ABCA1: variants seen among roughly 807,000 people sequenced by gnomAD.
ABCA1 encodes the protein phospholipid-transporting ATPase ABCA1.
Under a neutral mutation model 262.5 loss-of-function variants are expected in ABCA1, and 133 were observed. The ratio of observed to expected loss-of-function variants is 0.51; its 90% CI spans 0.44 to 0.59. The LOEUF is 0.59. ABCA1 is among the 20% of genes least tolerant of loss of function. ABCA1 has a pLI of 0.00. For synonymous variants in ABCA1, 1,022 were observed against 1,043.5 expected, an observed-to-expected ratio of 0.98 and a Z score of 0.40; for missense variants, 2,452 against 2,777.5, an observed-to-expected ratio of 0.88 and a Z score of 2.63.
chr9:104,903,704 G>C lies in ABCA1; in HGVS notation c.-25C>G, dbSNP rs774301766. ...TGTTCCCTCAGCCAGCACCCCCAGCGTGTGGCTCGGGAGCCCTGGAAGGCA... is the reference window on the plus strand; with the variant it reads ...TGTTCCCTCAGCCAGCACCCCCAGCCTGTGGCTCGGGAGCCCTGGAAGGCA... On this transcript the variant is annotated 5_prime_UTR_variant, in exon 2 of 50. Coordinates refer to ENST00000374736, the MANE Select transcript of ABCA1 (RefSeq NM_005502.4). 1.3e-6 allele frequency: 2 copies of C among 1,565,642 alleles called. No homozygotes were observed. Among genetic ancestry groups the C allele is most frequent in the East Asian group, 2.4e-5 (1 of 42,488 alleles).
rs74473105 is a variant in ABCA1, at chr9:104,840,876, C to G, written c.814-357G>C. Among the ~76,000 whole-genome samples the G allele has an allele frequency of 2.9e-3, 449 of 152,268 alleles. 2 individuals carry two copies. Among genetic ancestry groups the G allele is most frequent in the African/African-American group, 0.01 (416 of 41,554 alleles). ...GAAGCACAGCCTGGAGTTAGTGAAG[C>G]CCCTGGGGCTGGGCTTCGTTTCACC... On this transcript the variant is annotated intron_variant, in intron 8 of 49. Transcript: ENST00000374736.
chr9:104,889,950 A>G (rs1243643424), intron 2 of ABCA1, among the ~76,000 whole-genome samples: 1 of 152,222 alleles, frequency 6.6e-6, no homozygotes, highest in Non-Finnish European at 1.5e-5. Flanking sequence ...AGCATGATAC[A>G]CTGGTTAAAA....
intron 1 of ABCA1, among the ~76,000 whole-genome samples, chr9:104,908,234 T>C (rs757175206): frequency 3.3e-5 from 5 of 152,242 alleles, no homozygotes; most frequent in Non-Finnish European, 7.3e-5. Context: ...AGTTTGACAG[T>C]TTCTGCTAAG....
At chr9:104,834,404 G>C (rs1426155965) in intron 11 of ABCA1, among the ~76,000 whole-genome samples, 1 of 149,632 alleles carries the variant, frequency 6.7e-6, no homozygotes, top group African/African-American at 2.4e-5. Flanking sequence ...AGGAAGGTAT[G>C]TATGTATTTT....
At chr9:104,861,841 TCA>T (rs1836422962) in intron 5 of ABCA1, 41 bp from the exon 6 acceptor site, 5 of 1,237,824 alleles carry the variant, frequency 4.0e-6, no homozygotes, top group Non-Finnish European at 5.5e-6. Context: ...AGTAAGTAAC[TCA>T]AAAAAAAAAA....
chr9:104,883,504 G>A (rs1158427501), intron 4 of ABCA1, among the ~76,000 whole-genome samples: 2 of 152,132 alleles, frequency 1.3e-5, no homozygotes, highest in African/African-American at 2.4e-5. Context: ...GCCTGGGCCT[G>A]GGATACTCTT....
intron 1 of ABCA1, among the ~76,000 whole-genome samples, chr9:104,912,091 T>C (rs1173266414): frequency 6.6e-6 from 1 of 152,216 alleles, no homozygotes; most frequent in Non-Finnish European, 1.5e-5. Flanking sequence ...CACATCCAAT[T>C]TCCTAGACAA....
At chr9:104,825,277 T>G (rs1832720989) in intron 17 of ABCA1, among the ~76,000 whole-genome samples, 1 of 152,240 alleles carries the variant, frequency 6.6e-6, no homozygotes, top group Admixed American at 6.5e-5. Flanking sequence ...TCGCCTGGGC[T>G]TATTGACCCA....
At position 104,901,899 on chromosome 9, in the gene ABCA1, C is replaced by T. The variant is rs899261476; in HGVS notation, c.66+1715G>A. Among the ~76,000 whole-genome samples the T allele has an allele frequency of 4.6e-5, 7 of 152,118 alleles. No individual in the cohort carries two copies. In the South Asian group the frequency reaches 6.2e-4, roughly 14 times the overall value. ...AAAGGAATAAATCTAGTTAATAATGCCTAATCAGTTAGTGCCTCACACATG... is the reference window on the plus strand; with the variant it reads ...AAAGGAATAAATCTAGTTAATAATGTCTAATCAGTTAGTGCCTCACACATG... On this transcript the variant is annotated intron_variant, in intron 2 of 49. Transcript: ENST00000374736.
chr9:104,856,088 T>C (rs1400845239), intron 7 of ABCA1: 13 of 1,587,918 alleles, frequency 8.2e-6, no homozygotes, highest in South Asian at 1.1e-5. Context: ...GTCACATCCA[T>C]CTACCATCAC....
chr9:104,880,541 CAAAT>C (rs924120304), intron 5 of ABCA1, among the ~76,000 whole-genome samples: 4 of 149,942 alleles, frequency 2.7e-5, no homozygotes, highest in Admixed American at 2.0e-4. Context: ...TAAATTTAAA[CAAAT>C]AAAATAAGTA....
rs374101360 is a variant in ABCA1 at position 104,816,121 on chromosome 9, G to A, written c.3738+22C>T. The A allele has an allele frequency of 4.2e-5, 67 of 1,613,472 alleles. 2 individuals are homozygous for A. The highest frequency in any genetic ancestry group is 3.8e-4 in the South Asian group (35 of 91,020). On this transcript the variant is annotated intron_variant, in intron 25 of 49. Coordinates refer to ENST00000374736, the MANE Select transcript of ABCA1 (RefSeq NM_005502.4). ...GACATTTGGCCTTGCTATATATTCC[G>A]ACAGTCAGCCACTTAACTTACTTCT...
intron 11 of ABCA1, among the ~76,000 whole-genome samples, chr9:104,836,142 G>T (rs1231013645): frequency 1.3e-5 from 2 of 152,136 alleles, no homozygotes; most frequent in Admixed American, 1.3e-4. Flanking sequence ...TGTTTTTAAA[G>T]GGACTTCCTC....
At position 104,794,433 on chromosome 9, in the gene ABCA1, G is replaced by A. The variant is rs758061272; in HGVS notation, c.5460C>T (p.Ile1820=). 9 of 1,611,394 alleles carry A rather than the reference G, an allele frequency of 5.6e-6. No individual in the cohort carries two copies. The highest frequency in any genetic ancestry group is 2.7e-5 in the African/African-American group (2 of 74,304). ...CCATTGCCTGGTTTTTCACCATGTC[G>A]ATGAGCCCTCGTCCCAGGCAAAAAT... The part of the protein sequence containing the change: ...FPHFCLGRGL[I]DMVKNQAMAD... The change falls in exon 40 of 50, where the codon ATC becomes ATT. Residue 1820 remains isoleucine, a synonymous_variant. Transcript: ENST00000374736.
At chr9:104,882,908 C>T (rs1838810288) in intron 5 of ABCA1, 131 bp downstream of exon 5, 1 of 959,828 alleles carries the variant, frequency 1.0e-6, no homozygotes, top group Admixed American at 1.7e-5. Flanking sequence ...GCCCCACAGG[C>T]CAGCCACCAA....
chr9:104,862,126 C>A (rs145623477), intron 5 of ABCA1, among the ~76,000 whole-genome samples: 1 of 150,438 alleles, frequency 6.6e-6, no homozygotes, highest in African/African-American at 2.5e-5. Flanking sequence ...TATTTTGAGA[C>A]GGAGTCTCAC....
intron 11 of ABCA1, 126 bp from the exon 12 acceptor site, chr9:104,832,897 G>A: frequency 3.5e-6 from 3 of 850,434 alleles, no homozygotes; most frequent in Non-Finnish European, 5.9e-6. Flanking sequence ...TGAGGTAAAT[G>A]ACAGTGTCCC....
chr9:104,926,477 A>C (rs1270574543), intron 1 of ABCA1, among the ~76,000 whole-genome samples: 11 of 149,996 alleles, frequency 7.3e-5, no homozygotes, highest in Admixed American at 2.1e-4. Context: ...AAACAAAAAA[A>C]AAAAAACAAA....
At chr9:104,788,107 G>T (rs1269755220) in intron 45 of ABCA1, 53 bp from the exon 46 acceptor site, 10 of 1,554,378 alleles carry the variant, frequency 6.4e-6, no homozygotes, top group Non-Finnish European at 8.9e-6. Flanking sequence ...ATTTTATCAT[G>T]CTGTCCTACA....
Sources: gnomAD v4.1 joint callset for allele counts (sites outside exome capture counted in the v4.1 genomes callset) on GRCh38, gnomAD v4.1.1 for gene constraint, MANE v1.5 for transcripts, NCBI Gene and HGNC (gene_info 2026-07-23, HGNC 2026-07-21) for gene names.